Variants in DAB1 observed in about 807,000 individuals in gnomAD.
DAB1 encodes DAB adaptor protein 1.
In DAB1, 15 loss-of-function variants were observed where a neutral mutation model predicts 64.6. That is an observed-to-expected ratio of 0.23 (90% confidence interval 0.16 to 0.36). The LOEUF is 0.36. Among genes scored for constraint, DAB1 ranks in the 10% least tolerant of loss-of-function variants. The pLI, the probability that DAB1 is intolerant of heterozygous loss-of-function variation, is 1.00. For missense variants in DAB1, 596 were observed against 706.7 expected (o/e 0.84, Z 1.78); for synonymous variants, 235 against 251.9 (o/e 0.93, Z 0.64).
intron 5 of DAB1, among the ~76,000 whole-genome samples, chr1:57,962,121 T>C (rs1416573829): frequency 1.3e-5 from 2 of 152,128 alleles, no homozygotes; most frequent in Non-Finnish European, 2.9e-5. Flanking sequence ...ATCCTGGCTA[T>C]GCCTCTGCTT....
Position 58,053,440 on chromosome 1 carries a change from G to A in DAB1, n.387+97071C>T, listed in dbSNP as rs189771796. On this transcript the variant is annotated intron_variant and non_coding_transcript_variant, in intron 5 of 20. Coordinates refer to the DAB1 transcript ENST00000485760. ...GGAAGCAAGGGGCTGGGGAGTGCCA[G>A]CCTCTTTTTCAACAACCAACTCTCG... is the stretch of plus-strand genomic sequence containing the variant. Among the ~76,000 whole-genome samples, 15 of 152,202 alleles carry A rather than the reference G, an allele frequency of 9.9e-5. No individual in the cohort carries two copies. The East Asian group carries it at 2.9e-3, about 29-fold the overall frequency.
intron 7 of DAB1, among the ~76,000 whole-genome samples, chr1:57,628,726 G>C (rs1645952875): frequency 6.6e-6 from 1 of 152,026 alleles, no homozygotes; most frequent in Non-Finnish European, 1.5e-5. Context: ...GCTCACATTT[G>C]CAACCCACAT....
At chr1:58,414,922 A>G (rs917094774) in intron 3 of DAB1, among the ~76,000 whole-genome samples, 1 of 152,218 alleles carries the variant, frequency 6.6e-6, no homozygotes, top group Non-Finnish European at 1.5e-5. Flanking sequence ...TTAATAATAG[A>G]AAATATTTGG....
chr1:58,075,907 G>A (rs1401838281), intron 5 of DAB1, among the ~76,000 whole-genome samples: 1 of 151,708 alleles, frequency 6.6e-6, no homozygotes, highest in Non-Finnish European at 1.5e-5. Context: ...CAACGCTATT[G>A]AGAATATCTG....
intron 5 of DAB1, among the ~76,000 whole-genome samples, chr1:57,940,557 G>T (rs1645088736): frequency 6.6e-6 from 1 of 152,214 alleles, no homozygotes; most frequent in Non-Finnish European, 1.5e-5. Flanking sequence ...AAGTGCAAAT[G>T]AATCAGCTGA....
intron 1 of DAB1, among the ~76,000 whole-genome samples, chr1:57,405,711 C>T (rs1459283447): frequency 6.6e-6 from 1 of 152,186 alleles, no homozygotes; most frequent in East Asian, 1.9e-4. Context: ...CACACTGTTT[C>T]ACCCACAAAC....
chr1:58,125,999 G>A (rs1341045819), intron 5 of DAB1, among the ~76,000 whole-genome samples: 1 of 152,096 alleles, frequency 6.6e-6, no homozygotes, highest in African/African-American at 2.4e-5. Flanking sequence ...GCCAGGGGAA[G>A]GGAGCAGGCA....
chr1:57,367,124 AATT>A (rs1269311761), intron 1 of DAB1, among the ~76,000 whole-genome samples: 2 of 150,228 alleles, frequency 1.3e-5, no homozygotes, highest in Non-Finnish European at 3.0e-5. Context: ...AAAATAAATA[AATT>A]AGCCAGGCAT....
intron 4 of DAB1, chr1:58,228,684 C>A: frequency 2.6e-6 from 3 of 1,133,674 alleles, no homozygotes; most frequent in South Asian, 1.2e-5. Flanking sequence ...GGTGAGGGCT[C>A]AGTACCTCTT....
chr1:57,011,721 T>G (rs1252103450), intron 12 of DAB1, among the ~76,000 whole-genome samples: 1 of 152,238 alleles, frequency 6.6e-6, no homozygotes, highest in Admixed American at 6.5e-5. Context: ...ATTGAGCGCC[T>G]TTCATGTGTC....
At chr1:57,930,122 G>C (rs1464266949) in intron 5 of DAB1, among the ~76,000 whole-genome samples, 3 of 152,196 alleles carry the variant, frequency 2.0e-5, no homozygotes, top group African/African-American at 7.2e-5. Flanking sequence ...TGGATGTCCA[G>C]TTGTTCTAGC....
chr1:58,241,327 A>AG (rs201863636), intron 4 of DAB1, among the ~76,000 whole-genome samples: 1 of 135,914 alleles, frequency 7.4e-6, no homozygotes, highest in African/African-American at 3.0e-5. Context: ...ACATTTGGAT[A>AG]TCACAAACAA....
intron 5 of DAB1, among the ~76,000 whole-genome samples, chr1:58,082,847 G>A (rs780092703): frequency 3.3e-5 from 5 of 152,226 alleles, no homozygotes; most frequent in Admixed American, 6.5e-5. Context: ...GACATCCATC[G>A]TCTGAAAGCT....
intron 4 of DAB1, among the ~76,000 whole-genome samples, chr1:58,216,173 C>T (rs955806085): frequency 1.3e-5 from 2 of 152,094 alleles, no homozygotes; most frequent in African/African-American, 2.4e-5. Context: ...AATGCTATCC[C>T]TCCCTTAGCC....
chr1:58,538,751 C>CA (rs748013643), intron 1 of DAB1: 29 of 709,072 alleles, frequency 4.1e-5, no homozygotes, highest in Non-Finnish European at 6.9e-5. Context: ...AATATTAATG[C>CA]AAAAAGTTAA....
At chr1:57,248,047 T>C (rs898928427) in intron 2 of DAB1, among the ~76,000 whole-genome samples, 13 of 152,192 alleles carry the variant, frequency 8.5e-5, no homozygotes, top group African/African-American at 3.1e-4. Flanking sequence ...CCAGGACCCT[T>C]GTGGATACCA....
intron 6 of DAB1, among the ~76,000 whole-genome samples, chr1:57,717,305 C>T (rs1469352317): frequency 6.7e-6 from 1 of 149,054 alleles, no homozygotes; most frequent in South Asian, 2.2e-4. Context: ...AAATGCCCCA[C>T]AGATACATGA....
intron 7 of DAB1, among the ~76,000 whole-genome samples, chr1:57,470,572 T>C (rs955482556): frequency 2.0e-5 from 3 of 152,288 alleles, no homozygotes; most frequent in East Asian, 1.9e-4. Context: ...ATGAAGGGGA[T>C]AGCCCCCAAA....
chr1:58,099,961 T>C (rs1176068533), intron 5 of DAB1, among the ~76,000 whole-genome samples: 1 of 152,218 alleles, frequency 6.6e-6, no homozygotes, highest in Non-Finnish European at 1.5e-5. Context: ...TCTTCTGGTC[T>C]TTGCTCAAGT....
Sources: allele counts gnomAD v4.1 joint callset (sites outside exome capture counted in the v4.1 genomes callset), GRCh38; gene constraint gnomAD v4.1.1; transcripts MANE v1.5; gene names NCBI Gene and HGNC (gene_info 2026-07-23, HGNC 2026-07-21).